Variants in PDE4D observed in about 807,000 individuals in gnomAD.
PDE4D encodes the protein 3',5'-cyclic-AMP phosphodiesterase 4D.
Under a neutral mutation model 87.4 loss-of-function variants are expected in PDE4D, and 24 were observed. That is an observed-to-expected ratio of 0.27 (90% CI 0.20 to 0.39). The LOEUF is 0.39. PDE4D is among the 10% of genes least tolerant of loss of function. PDE4D has a pLI of 1.00. For missense variants in PDE4D, 714 were observed against 1,041.0 expected, an observed-to-expected ratio of 0.69 and a Z score of 4.32; for synonymous variants, 384 against 383.2, an observed-to-expected ratio of 1.00 and a Z score of -0.02.
At chr5:59,085,208 G>A (rs545691750) in intron 5 of PDE4D, among the ~76,000 whole-genome samples, 14 of 152,186 alleles carry the variant, frequency 9.2e-5, no homozygotes, top group African/African-American at 3.4e-4. Flanking sequence ...TTCATGTAAG[G>A]AAATGCCATT....
At chr5:59,180,246 T>C (rs967315876) in intron 5 of PDE4D, 19 of 407,956 alleles carry the variant, frequency 4.7e-5, no homozygotes, top group Non-Finnish European at 8.9e-5. Flanking sequence ...AATGATGACA[T>C]ATTATATCAT....
At chr5:60,028,209 C>A (rs886078456) in intron 2 of PDE4D, among the ~76,000 whole-genome samples, 1 of 152,126 alleles carries the variant, frequency 6.6e-6, no homozygotes, top group African/African-American at 2.4e-5. Context: ...GCTCTCTTTG[C>A]CTTTTTCTTC....
intron 11 of PDE4D, among the ~76,000 whole-genome samples, chr5:58,984,612 G>A (rs9292181): frequency 0.16 from 24,037 of 151,986 alleles, 2,026 homozygotes; most frequent in Admixed American, 0.19. Flanking sequence ...AATAAAAGTA[G>A]AGAAATAAAA....
intron 12 of PDE4D, among the ~76,000 whole-genome samples, 198 bp downstream of exon 12, chr5:58,976,993 C>CTCAAG (rs2153307907): frequency 6.6e-6 from 1 of 152,272 alleles, no homozygotes; most frequent in African/African-American, 2.4e-5. Context: ...TGACATTATT[C>CTCAAG]TCAAGTCCAA....
At chr5:60,149,022 G>A (rs1781265567) in intron 2 of PDE4D, among the ~76,000 whole-genome samples, 1 of 152,314 alleles carries the variant, frequency 6.6e-6, no homozygotes, top group Admixed American at 6.5e-5. Context: ...CACCATAAGT[G>A]TTTGATAATA....
intron 2 of PDE4D, among the ~76,000 whole-genome samples, chr5:60,082,819 G>A (rs1006523446): frequency 2.0e-5 from 3 of 152,022 alleles, no homozygotes; most frequent in African/African-American, 7.3e-5. Context: ...TGCCATGCTG[G>A]CCTCCCATCA....
chr5:59,499,505 T>TA (rs56284311), intron 1 of PDE4D, among the ~76,000 whole-genome samples: 27,335 of 151,504 alleles, frequency 0.18, 4,294 homozygotes, highest in African/African-American at 0.43. Flanking sequence ...TTGGAAAGGA[T>TA]AAAAAAAGAT....
intron 1 of PDE4D, among the ~76,000 whole-genome samples, chr5:60,514,940 A>C (rs1443957721): frequency 6.6e-6 from 1 of 152,152 alleles, no homozygotes; most frequent in Non-Finnish European, 1.5e-5. Context: ...ATTGAAAAGA[A>C]TCTATAGCTG....
chr5:59,610,877 G>C (rs1470366922), intron 1 of PDE4D, among the ~76,000 whole-genome samples: 2 of 152,116 alleles, frequency 1.3e-5, no homozygotes, highest in African/African-American at 4.8e-5. Flanking sequence ...AGAAGGTAAG[G>C]AGTCAGTGGA....
intron 2 of PDE4D, among the ~76,000 whole-genome samples, chr5:59,998,498 T>C (rs891066565): frequency 6.6e-6 from 1 of 152,090 alleles, no homozygotes; most frequent in African/African-American, 2.4e-5. Flanking sequence ...AACCAAAATG[T>C]TTAAAAATAA....
chr5:60,026,132 A>G (rs1766595037), intron 2 of PDE4D, among the ~76,000 whole-genome samples: 1 of 152,218 alleles, frequency 6.6e-6, no homozygotes, highest in Admixed American at 6.5e-5. Flanking sequence ...GGCTCAGTTC[A>G]TTTACATGTG....
intron 1 of PDE4D, among the ~76,000 whole-genome samples, chr5:59,332,008 T>G (rs1002737819): frequency 6.6e-6 from 1 of 152,198 alleles, no homozygotes; most frequent in Non-Finnish European, 1.5e-5. Flanking sequence ...CCTTTCTCTG[T>G]GGGTTTCCCA....
At chr5:59,146,724 C>G (rs1307439373) in intron 5 of PDE4D, among the ~76,000 whole-genome samples, 3 of 151,894 alleles carry the variant, frequency 2.0e-5, no homozygotes, top group Non-Finnish European at 4.4e-5. Context: ...AGGCTCTGTA[C>G]AGAAAAACTA....
At position 59,985,124 on chromosome 5, in the gene PDE4D, G is replaced by GTTTTTTTTTTTTTTTTTTTTTT. The variant is rs762506771; in HGVS notation, c.272+3363_272+3364insAAAAAAAAAAAAAAAAAAAAAA. 1.4e-4 allele frequency among the ~76,000 whole-genome samples: 16 copies of GTTTTTTTTTTTTTTTTTTTTTT among 111,340 alleles called. 6 individuals carry two copies. Among genetic ancestry groups the GTTTTTTTTTTTTTTTTTTTTTT allele is most frequent in the South Asian group, 7.2e-4 (2 of 2,764 alleles). The allele number at this position is 111,340 out of a possible 152,430, so 73.0% of individuals were successfully genotyped here. The stretch of plus-strand genomic sequence containing the variant: ...AATATAAGCCCGAACTTCACCTTTC[G>GTTTTTTTTTTTTTTTTTTTTTT]TTTTTTGTTTTTTGTTTTTTGTTTT... On this transcript the variant is annotated intron_variant, in intron 3 of 16. Coordinates refer to the PDE4D transcript ENST00000502484.
At chr5:59,743,024 T>C (rs1372580538) in intron 1 of PDE4D, among the ~76,000 whole-genome samples, 1 of 152,138 alleles carries the variant, frequency 6.6e-6, no homozygotes, top group Non-Finnish European at 1.5e-5. Flanking sequence ...ATTACACCAG[T>C]AGGTGTGCCA....
chr5:59,234,822 A>G (rs1210330726), intron 1 of PDE4D, among the ~76,000 whole-genome samples: 2 of 152,186 alleles, frequency 1.3e-5, no homozygotes, highest in Non-Finnish European at 2.9e-5. Context: ...TTGAAATTTA[A>G]TTTGACCAAA....
At chr5:59,228,322 C>G (rs1260303274) in intron 1 of PDE4D, among the ~76,000 whole-genome samples, 14 of 151,980 alleles carry the variant, frequency 9.2e-5, no homozygotes, top group Admixed American at 2.6e-4. Flanking sequence ...ATGCTTAGCA[C>G]CTGGGTGACA....
At chr5:59,117,730 AGTG>A (rs1314592829) in intron 5 of PDE4D, among the ~76,000 whole-genome samples, 2 of 152,120 alleles carry the variant, frequency 1.3e-5, no homozygotes, top group Non-Finnish European at 2.9e-5. Flanking sequence ...CTGTTGAACC[AGTG>A]GTAGCTTGGA....
intron 1 of PDE4D, among the ~76,000 whole-genome samples, chr5:60,257,998 T>A (rs777595114): frequency 6.6e-6 from 1 of 151,914 alleles, no homozygotes; most frequent in African/African-American, 2.4e-5. Flanking sequence ...TGGACCTATC[T>A]AATAATAGTT....
Sources: gnomAD v4.1 joint callset for allele counts (sites outside exome capture counted in the v4.1 genomes callset) on GRCh38, gnomAD v4.1.1 for gene constraint, MANE v1.5 for transcripts, NCBI Gene and HGNC (gene_info 2026-07-23, HGNC 2026-07-21) for gene names.